Variants in SORL1 observed in about 807,000 individuals in gnomAD.
SORL1 encodes sortilin related receptor 1, also known as sortilin-related receptor.
Under a neutral mutation model 273.7 loss-of-function variants are expected in SORL1, and 127 were observed. The observed-to-expected ratio is 0.46, with a 90% CI of 0.40 to 0.54. The LOEUF is 0.54. Among genes scored for constraint, SORL1 ranks in the 20% least tolerant of loss-of-function variants. The pLI, the probability that SORL1 is intolerant of heterozygous loss-of-function variation, is 0.00. For synonymous variants in SORL1, 1,031 were observed against 1,067.4 expected, an observed-to-expected ratio of 0.97 and a Z score of 0.66; for missense variants, 2,494 against 2,846.1, an observed-to-expected ratio of 0.88 and a Z score of 2.81.
rs753341957 is a variant in SORL1 at position 121,570,270 on chromosome 11, C to T, written c.3337C>T (p.Pro1113Ser). Residue 1113 changes from proline to serine, a missense_variant and splice_region_variant, in exon 23 of 48, where the codon CCT (proline) becomes TCT (serine). Coordinates refer to ENST00000260197, the MANE Select transcript of SORL1 (RefSeq NM_003105.6). ...CGDMSDERNC[P>S]TTICDLDTQF... ...AGACATGAGCGATGAGAGAAACTGC[C>T]GTGAGTCTTCTGGATTGGACGTTAA... The T allele has an allele frequency of 6.0e-5, 97 of 1,605,876 alleles. No homozygotes were observed. The highest frequency in any genetic ancestry group is 7.7e-5 in the Non-Finnish European group (90 of 1,172,770).
At chr11:121,614,493 T>C (rs1863611550) in intron 40 of SORL1, 1 of 184,854 alleles carries the variant, frequency 5.4e-6, no homozygotes, top group African/African-American at 2.4e-5. Flanking sequence ...TTTCCTGCTG[T>C]AACACTGTGA....
At chr11:121,496,222 C>T (rs1861627000) in intron 5 of SORL1, among the ~76,000 whole-genome samples, 1 of 152,232 alleles carries the variant, frequency 6.6e-6, no homozygotes, top group Non-Finnish European at 1.5e-5. Context: ...GGCATCTCCT[C>T]ACGAGAGTGT....
At chr11:121,526,932 T>G (rs1862131984) in intron 11 of SORL1, among the ~76,000 whole-genome samples, 1 of 147,824 alleles carries the variant, frequency 6.8e-6, no homozygotes, top group Non-Finnish European at 1.5e-5. Flanking sequence ...CATTCTTCTC[T>G]TCTTCCTTTT....
chr11:121,625,493 G>A (rs866597502), intron 46 of SORL1, among the ~76,000 whole-genome samples: 1 of 152,248 alleles, frequency 6.6e-6, no homozygotes, highest in Middle Eastern at 3.4e-3. Context: ...CAGGGGGACC[G>A]GATTCTGAAC....
At chr11:121,603,184 G>A (rs889714216) in intron 32 of SORL1, among the ~76,000 whole-genome samples, 2 of 152,198 alleles carry the variant, frequency 1.3e-5, no homozygotes, top group Non-Finnish European at 2.9e-5. Flanking sequence ...CATATTACAG[G>A]TTCCAGGGAT....
intron 2 of SORL1, among the ~76,000 whole-genome samples, chr11:121,473,643 C>T (rs907045645): frequency 6.6e-6 from 1 of 152,266 alleles, no homozygotes; most frequent in South Asian, 2.1e-4. Context: ...GCCTGTAATC[C>T]TAGCACTTCG....
At chr11:121,557,269 G>A (rs201537715) in intron 18 of SORL1, 45 bp from the exon 19 acceptor site, 8 of 1,403,146 alleles carry the variant, frequency 5.7e-6, no homozygotes, top group Admixed American at 5.0e-5. Context: ...GGGTCTTTAA[G>A]GAGCTCCGAT....
Position 121,590,131 on chromosome 11 carries a change from G to A in SORL1, c.4170G>A (p.Arg1390=). ...HCIPNRWKCD[R]ENDCGDWSDE... is the part of the protein sequence containing the mutation. ...TCCCCAACAGATGGAAATGTGACAG[G>A]GAGAACGACTGTGGGGACTGGTCTG... The change falls in exon 30 of 48, where the codon AGG becomes AGA. Residue 1390 remains arginine (R), a synonymous_variant. Transcript: ENST00000260197. The A allele has an allele frequency of 6.2e-7, 1 of 1,614,230 alleles. No homozygotes were observed. Among genetic ancestry groups the A allele is most frequent in the Non-Finnish European group, 8.5e-7 (1 of 1,180,044 alleles).
At chr11:121,516,695 G>T (rs77434062) in intron 8 of SORL1, among the ~76,000 whole-genome samples, 2,004 of 152,202 alleles carry the variant, frequency 0.013, 57 homozygotes, top group Admixed American at 0.058. Context: ...TGCTCAGCTT[G>T]TCCTGGTTTG....
At chr11:121,527,197 A>T (rs1213410930) in intron 11 of SORL1, among the ~76,000 whole-genome samples, 1 of 148,398 alleles carries the variant, frequency 6.7e-6, no homozygotes, top group Admixed American at 6.7e-5. Context: ...GTTGTTGAGT[A>T]TTTTTTTTTT....
chr11:121,618,766 T>G lies in SORL1; in HGVS notation c.5605-8T>G. 1 of 1,614,110 alleles carries G rather than the reference T, an allele frequency of 6.2e-7. No individual in the cohort carries two copies. The highest frequency in any genetic ancestry group is 1.7e-5 in the Admixed American group (1 of 60,032). ...CTGATGTCCTCTTCCATTCTCTGCT[T>G]TTACCAGGTTTATGGTATTTTCTAT... On this transcript the variant is annotated splice_polypyrimidine_tract_variant and splice_region_variant and intron_variant, in intron 41 of 47. Coordinates refer to ENST00000260197, the MANE Select transcript of SORL1 (RefSeq NM_003105.6).
intron 13 of SORL1, 45 bp from the exon 14 acceptor site, chr11:121,545,198 A>G (rs748796108): frequency 1.9e-5 from 30 of 1,598,064 alleles, no homozygotes; most frequent in East Asian, 2.2e-5. Flanking sequence ...GAAACCCTAC[A>G]TGGGCCTGCC....
chr11:121,463,492 G>GGCAGT (rs1248265283), intron 1 of SORL1, among the ~76,000 whole-genome samples: 2 of 152,176 alleles, frequency 1.3e-5, no homozygotes, highest in African/African-American at 4.8e-5. Flanking sequence ...GATATTATAA[G>GGCAGT]GCAGTGAGAT....
At chr11:121,459,743 C>G (rs1345914603) in intron 1 of SORL1, among the ~76,000 whole-genome samples, 1 of 152,242 alleles carries the variant, frequency 6.6e-6, no homozygotes, top group Non-Finnish European at 1.5e-5. Flanking sequence ...GTGGGGCCAT[C>G]TCCCTGCCCT....
rs1353219547 is a variant in SORL1, at chr11:121,629,965, G to C, written c.*402G>C. On this transcript the variant is annotated 3_prime_UTR_variant, in exon 48 of 48. Coordinates refer to ENST00000260197, the MANE Select transcript of SORL1 (RefSeq NM_003105.6). Reference sequence around the variant, plus strand: ...CCCCTTCTCCTTGAAAGTGTGTACAGATATTCCATTTTGTTTGGATATAGT... The same window carrying C: ...CCCCTTCTCCTTGAAAGTGTGTACACATATTCCATTTTGTTTGGATATAGT... 1 of 189,810 alleles carries C rather than the reference G, an allele frequency of 5.3e-6. No homozygotes were observed. The highest frequency in any genetic ancestry group is 1.4e-4 in the East Asian group (1 of 6,978). The allele number at this position is 189,810 out of a possible 1,614,324, so 11.8% of individuals were successfully genotyped here.
intron 11 of SORL1, among the ~76,000 whole-genome samples, chr11:121,525,552 G>A (rs1862108864): frequency 6.6e-6 from 1 of 152,204 alleles, no homozygotes; most frequent in Non-Finnish European, 1.5e-5. Context: ...CAAACAGTAT[G>A]TGAGAATTTT....
At chr11:121,564,573 TTTTG>T (rs370214647) in intron 21 of SORL1, among the ~76,000 whole-genome samples, 15 of 150,568 alleles carry the variant, frequency 1.0e-4, no homozygotes, top group Non-Finnish European at 1.5e-4. Flanking sequence ...TATTTGTTCG[TTTTG>T]TTTGTTTGTT....
In SORL1 at chr11:121,548,957, A is replaced by C. The variant is rs150636260; in HGVS notation, c.2052-1003A>C. ...TATGTTCTGTTCTATAATTCTTTGA[A>C]TATATTCTGTAATTCATTGAATTAT... On this transcript the variant is annotated intron_variant, in intron 14 of 47. Coordinates refer to ENST00000260197, the MANE Select transcript of SORL1 (RefSeq NM_003105.6). Among the ~76,000 whole-genome samples the C allele has an allele frequency of 6.2e-3, 948 of 152,320 alleles. 6 individuals carry two copies. The highest frequency in any genetic ancestry group is 0.022 in the African/African-American group (908 of 41,572).
rs772358955 is a variant in SORL1 at position 121,452,563 on chromosome 11, C to T, written c.232C>T (p.Arg78Trp). 1.3e-6 allele frequency: 2 copies of T among 1,513,848 alleles called. No individual in the cohort carries two copies. The highest frequency in any genetic ancestry group is 1.2e-5 in the South Asian group (1 of 81,750). 93.8% of individuals were successfully genotyped at this position (1,513,848 alleles called of 1,614,324 possible). A position where few individuals can be genotyped will look rare whatever the true frequency, so the allele number is the denominator to read the frequency against. ...GASRADEKPL[R>W]RKRSAALQPE... ...GAGCCGCGCGGACGAGAAGCCGCTC[C>T]GGAGGAAACGGAGCGCTGCCCTGCA... The change falls in exon 1 of 48, where the codon CGG (arginine) becomes TGG (tryptophan). Residue 78 changes from arginine (R) to tryptophan (W), a missense_variant. Arg to Trp is a moderately radical substitution (Grantham distance 101). Around this residue, in one of 3 missense-constraint regions of SORL1, gnomAD observed 175 missense variants for 147.1 expected, o/e 1.19. Coordinates refer to ENST00000260197, the MANE Select transcript of SORL1 (RefSeq NM_003105.6). This position sits in a 1 kb window ranked among gnomAD's most constrained non-coding sequence, Gnocchi z 5.3.
Sources: gnomAD v4.1 joint callset for allele counts (sites outside exome capture counted in the v4.1 genomes callset) on GRCh38, gnomAD v4.1.1 for gene constraint, gnomAD v4.1.1 regional missense constraint, Gnocchi (gnomAD v3.1) non-coding constraint, MANE v1.5 for transcripts, NCBI Gene and HGNC (gene_info 2026-07-23, HGNC 2026-07-21) for gene names.